Variants in CHD6 observed in about 807,000 individuals in gnomAD.
CHD6 encodes chromodomain helicase DNA binding protein 6.
In CHD6, 50 loss-of-function variants were observed where a neutral mutation model predicts 276.9. The observed-to-expected ratio is 0.18, with a 90% CI of 0.14 to 0.23. CHD6 has a LOEUF of 0.23. Ranked by LOEUF, CHD6 falls within the 10% of genes least tolerant of loss-of-function variation. CHD6 has a pLI of 1.00. For synonymous variants in CHD6, 1,173 were observed against 1,229.3 expected (o/e 0.95, Z 0.96); for missense variants, 2,564 against 3,365.8 (o/e 0.76, Z 5.89).
At chr20:41,610,891 T>C (rs1040764757) in intron 1 of CHD6, among the ~76,000 whole-genome samples, 2 of 152,240 alleles carry the variant, frequency 1.3e-5, no homozygotes, top group Non-Finnish European at 1.5e-5. Flanking sequence ...CAGTAGTTTG[T>C]ATTGAGAACA....
At chr20:41,498,326 T>A in intron 6 of CHD6, 100 bp from the exon 7 acceptor site, 1 of 836,420 alleles carries the variant, frequency 1.2e-6, no homozygotes, top group Non-Finnish European at 1.9e-6. Flanking sequence ...CTGATTTCCA[T>A]AAAGATTTCT....
intron 2 of CHD6, among the ~76,000 whole-genome samples, chr20:41,538,606 A>G (rs950458669): frequency 5.3e-5 from 8 of 152,224 alleles, no homozygotes; most frequent in African/African-American, 1.9e-4. Flanking sequence ...AAAATTGCAC[A>G]TTTTTAAAGG....
chr20:41,516,195 GC>G (rs1381375100), intron 3 of CHD6, among the ~76,000 whole-genome samples: 1 of 151,456 alleles, frequency 6.6e-6, no homozygotes, highest in East Asian at 1.9e-4. Context: ...ACGGAGTCTC[GC>G]GCTGTTGCCC....
chr20:41,443,203 T>C (rs2047953627), intron 25 of CHD6, among the ~76,000 whole-genome samples: 1 of 152,158 alleles, frequency 6.6e-6, no homozygotes, highest in Admixed American at 6.5e-5. Flanking sequence ...TAATTTATAC[T>C]CCCCAAAACT....
In CHD6 at chr20:41,454,865, T is replaced by C. The variant is rs1037978496; in HGVS notation, c.3010-129A>G. On this transcript the variant is annotated intron_variant, in intron 19 of 36. Coordinates refer to ENST00000373233, the MANE Select transcript of CHD6 (RefSeq NM_032221.5). ...TTCAAAATCAAACCCTTAACAGAGCTTCCAAAATGAATTGAAAATCTCAAG... is the reference window on the plus strand; with the variant it reads ...TTCAAAATCAAACCCTTAACAGAGCCTCCAAAATGAATTGAAAATCTCAAG... The C allele has an allele frequency of 1.6e-5, 8 of 511,502 alleles. No homozygotes were observed. In the Admixed American group the frequency reaches 2.5e-4, roughly 16 times the overall value. 31.7% of individuals were successfully genotyped at this position (511,502 alleles called of 1,614,324 possible).
chr20:41,470,822 C>T (rs1334967624), intron 17 of CHD6, among the ~76,000 whole-genome samples: 1 of 152,262 alleles, frequency 6.6e-6, no homozygotes, highest in African/African-American at 2.4e-5. Flanking sequence ...GTGTAGACTT[C>T]ACCTAGGTGA....
Position 41,417,267 on chromosome 20 carries a change from C to A in CHD6, c.6210G>T (p.Glu2070Asp), listed in dbSNP as rs1341090174. The change falls in exon 32 of 37, where the codon GAG (glutamate) becomes GAT (aspartate). Residue 2070 changes from glutamate to aspartate, a missense_variant. Physicochemically the swap from Glu to Asp is conservative, Grantham distance 45 (BLOSUM62 2). Around this residue, in one of 7 missense-constraint regions of CHD6, gnomAD observed 1,024 missense variants for 1,047.9 expected, o/e 0.98. Coordinates refer to ENST00000373233, the MANE Select transcript of CHD6 (RefSeq NM_032221.5). ...GCTGAGCAATAGTGGGAGCTCGAGC[C>A]TCCTGTAGCTCATCCCCAATGTCTC... The part of the protein sequence containing the change: ...ITGDIGDELQ[E>D]ARAPTIAQLL... The A allele has an allele frequency of 2.5e-6, 4 of 1,613,996 alleles. No homozygotes were observed. In the South Asian group the frequency reaches 4.4e-5, roughly 18 times the overall value.
chr20:41,466,061 G>C (rs1034967414), intron 17 of CHD6, among the ~76,000 whole-genome samples: 1 of 152,110 alleles, frequency 6.6e-6, no homozygotes, highest in African/African-American at 2.4e-5. Flanking sequence ...AATTAGCTGG[G>C]CGTGGTGGCG....
rs990760374 is a variant in CHD6 at position 41,452,593 on chromosome 20, G to A, written c.3323+147C>T. ...GACTGAGACGGATTCTGGGCAGAAGGCACAGTTCTCTCTTGCTCCAACAGA... is the reference window on the plus strand; with the variant it reads ...GACTGAGACGGATTCTGGGCAGAAGACACAGTTCTCTCTTGCTCCAACAGA... On this transcript the variant is annotated intron_variant, in intron 21 of 36. Coordinates refer to ENST00000373233, the MANE Select transcript of CHD6 (RefSeq NM_032221.5). This position sits in a 1 kb window ranked among gnomAD's most constrained non-coding sequence, Gnocchi z 4.2. The A allele has an allele frequency of 1.7e-5, 12 of 693,938 alleles. No individual in the cohort carries two copies. The Admixed American group carries it at 2.2e-4, about 13-fold the overall frequency. 43.0% of individuals were successfully genotyped at this position (693,938 alleles called of 1,614,324 possible). A position where few individuals can be genotyped will look rare whatever the true frequency, so the allele number is the denominator to read the frequency against.
chr20:41,439,929 G>A, intron 26 of CHD6, 71 bp downstream of exon 26: 1 of 1,522,008 alleles, frequency 6.6e-7, no homozygotes, highest in East Asian at 2.3e-5. Context: ...AGAGTGCTGG[G>A]TTTATGAGGA....
intron 20 of CHD6, 141 bp downstream of exon 20, chr20:41,454,485 C>T (rs1381518717): frequency 3.3e-6 from 2 of 609,324 alleles, no homozygotes; most frequent in African/African-American, 3.7e-5. Flanking sequence ...TGTCTATGTG[C>T]CAGGCATATT....
At chr20:41,516,853 A>T (rs764060387) in intron 3 of CHD6, among the ~76,000 whole-genome samples, 2 of 152,148 alleles carry the variant, frequency 1.3e-5, no homozygotes, top group Non-Finnish European at 2.9e-5. Context: ...GCCCAGCAGG[A>T]GTAGAACCAG....
At chr20:41,612,123 T>C (rs2045893440) in intron 1 of CHD6, among the ~76,000 whole-genome samples, 2 of 152,228 alleles carry the variant, frequency 1.3e-5, no homozygotes, top group East Asian at 3.8e-4. Flanking sequence ...GTTTTTATAA[T>C]TAGATTCAAC....
At chr20:41,442,612 G>C (rs1320629546) in intron 25 of CHD6, among the ~76,000 whole-genome samples, 1 of 152,190 alleles carries the variant, frequency 6.6e-6, no homozygotes, top group Non-Finnish European at 1.5e-5. Context: ...AGACAGACTG[G>C]CTTTCTGAAA....
At position 41,452,659 on chromosome 20, in the gene CHD6, A is replaced by T. The variant is rs1053546774; in HGVS notation, c.3323+81T>A. The T allele has an allele frequency of 2.4e-6, 3 of 1,270,376 alleles. No homozygotes were observed. The highest frequency in any genetic ancestry group is 1.5e-5 in the African/African-American group (1 of 67,690). 78.7% of individuals were successfully genotyped at this position (1,270,376 alleles called of 1,614,324 possible). A position where few individuals can be genotyped will look rare whatever the true frequency, so the allele number is the denominator to read the frequency against. On this transcript the variant is annotated intron_variant, in intron 21 of 36. Transcript: ENST00000373233. This position sits in a 1 kb window ranked among gnomAD's most constrained non-coding sequence, Gnocchi z 4.2. ...TAATTCCAAAGGTGACTGGAGAGAC[A>T]TCCTAGACAAATCTCAGGGACTGAA...
chr20:41,588,342 G>T (rs1370959155), intron 1 of CHD6, among the ~76,000 whole-genome samples: 1 of 152,166 alleles, frequency 6.6e-6, no homozygotes, highest in African/African-American at 2.4e-5. Context: ...GGCTCAGGTG[G>T]CTCTGCTGTA....
rs549788578 is a variant in CHD6 at position 41,603,919 on chromosome 20, G to A, written c.-24+14421C>T. Among the ~76,000 whole-genome samples the A allele has an allele frequency of 1.5e-4, 23 of 150,476 alleles. No homozygotes were observed. The East Asian group carries it at 2.6e-3, about 17-fold the overall frequency. ...TCATTTCATGAAGCCTAACTCCCAA[G>A]ATTCTACATCCAGCTGGAAATGACA... On this transcript the variant is annotated intron_variant, in intron 1 of 36. Coordinates refer to ENST00000373233, the MANE Select transcript of CHD6 (RefSeq NM_032221.5).
intron 1 of CHD6, among the ~76,000 whole-genome samples, chr20:41,574,597 T>C (rs920942082): frequency 1.3e-5 from 2 of 152,330 alleles, no homozygotes; most frequent in African/African-American, 4.8e-5. Flanking sequence ...GGCACTCCTG[T>C]TAACAAGTTG....
In CHD6 at chr20:41,404,056, T is replaced by C. The variant is rs949284974; in HGVS notation, c.*537A>G. ...TATATGTATTTTCAACCATTAGTTATATACTTCTGTCTATACTACTCACTT... is the reference window on the plus strand; with the variant it reads ...TATATGTATTTTCAACCATTAGTTACATACTTCTGTCTATACTACTCACTT... On this transcript the variant is annotated 3_prime_UTR_variant, in exon 37 of 37. Transcript: ENST00000373233. 10 of 1,047,132 alleles carry C rather than the reference T, an allele frequency of 9.5e-6. No individual in the cohort carries two copies. Among genetic ancestry groups the C allele is most frequent in the Admixed American group, 5.5e-5 (1 of 18,220 alleles). 64.9% of individuals were successfully genotyped at this position (1,047,132 alleles called of 1,614,324 possible).
Sources: gnomAD v4.1 joint callset for allele counts (sites outside exome capture counted in the v4.1 genomes callset) on GRCh38, gnomAD v4.1.1 for gene constraint, gnomAD v4.1.1 regional missense constraint, Gnocchi (gnomAD v3.1) non-coding constraint, MANE v1.5 for transcripts, NCBI Gene and HGNC (gene_info 2026-07-23, HGNC 2026-07-21) for gene names.